PLAC1: variants seen among roughly 807,000 people sequenced by gnomAD.
PLAC1 encodes placenta-specific protein 1.
For missense variants in PLAC1, 136 were observed against 163.2 expected, an observed-to-expected ratio of 0.83 and a Z score of 0.91; for synonymous variants, 68 against 62.1, an observed-to-expected ratio of 1.09 and a Z score of -0.44.
In PLAC1 at chrX:134,656,697, A is replaced by G. The variant is rs145097088; in HGVS notation, c.-131+1631T>C. ...TCTCCTGGGCTCAAGTGATCCTCCC[A>G]TCTCAGCCTCCTGAGTAGCTAGGAC... On this transcript the variant is annotated intron_variant, in intron 1 of 2. Transcript: ENST00000359237. Among the ~76,000 whole-genome samples, 764 of 110,985 alleles carry G rather than the reference A, an allele frequency of 6.9e-3. 3 individuals are homozygous for G. The highest frequency in any genetic ancestry group is 0.023 in the African/African-American group (710 of 30,499).
chrX:134,633,132 C>G (rs189291743), intron 1 of PLAC1, among the ~76,000 whole-genome samples: 145 of 111,656 alleles, frequency 1.3e-3, no homozygotes, highest in African/African-American at 4.5e-3. Context: ...ATCATTTCTT[C>G]CCCGTCTTGT....
rs200761671 is a variant in PLAC1 at position 134,647,410 on chromosome X, C to CTGTGTGTGTG, written c.-131+10908_-131+10917dup. Among the ~76,000 whole-genome samples, 532 of 90,124 alleles carry CTGTGTGTGTG rather than the reference C, an allele frequency of 5.9e-3. 7 individuals carry two copies. Among genetic ancestry groups the CTGTGTGTGTG allele is most frequent in the African/African-American group, 0.021 (508 of 24,079 alleles). The allele number at this position is 90,124 out of a possible 115,157, so 78.3% of individuals were successfully genotyped here. A position where few individuals can be genotyped will look rare whatever the true frequency, so the allele number is the denominator to read the frequency against. On this transcript the variant is annotated intron_variant, in intron 1 of 2. Transcript: ENST00000359237. ...CTTCTATGTGTGGGCATGCATGCAT[C>CTGTGTGTGTG]TGTGTGTGTGTGTGTGTGTGTGTGT...
At chrX:134,743,608 G>T (rs935944497) in intron 1 of PLAC1, among the ~76,000 whole-genome samples, 6 of 111,892 alleles carry the variant, frequency 5.4e-5, no homozygotes, top group Non-Finnish European at 9.4e-5. Context: ...AGGCAAGAAT[G>T]AATAATTAAA....
At chrX:134,748,371 G>C (rs1470624901) in intron 1 of PLAC1, among the ~76,000 whole-genome samples, 1 of 108,875 alleles carries the variant, frequency 9.2e-6, no homozygotes, top group Admixed American at 9.9e-5. Context: ...GTCACCTTCT[G>C]GGCCTTACCA....
chrX:134,647,410 CTGTGTGTGTGTGTG>C (rs200761671), intron 1 of PLAC1, among the ~76,000 whole-genome samples: 13 of 90,139 alleles, frequency 1.4e-4, no homozygotes, highest in South Asian at 5.9e-4. Flanking sequence ...ATGCATGCAT[CTGTGTGTGTGTGTG>C]TGTGTGTGTG....
chrX:134,567,534 C>T (rs963645726), intron 2 of PLAC1, among the ~76,000 whole-genome samples: 2 of 111,044 alleles, frequency 1.8e-5, no homozygotes, highest in Non-Finnish European at 3.8e-5. Flanking sequence ...GGTGGAAGGA[C>T]TGCTTGAGCC....
rs73568729 is a variant in PLAC1 at position 134,758,245 on chromosome X, C to T, written n.89+5989G>A. Among the ~76,000 whole-genome samples, 1,017 of 110,432 alleles carry T rather than the reference C, an allele frequency of 9.2e-3. 6 individuals are homozygous for T. Among genetic ancestry groups the T allele is most frequent in the African/African-American group, 0.032 (964 of 30,440 alleles). On this transcript the variant is annotated intron_variant and non_coding_transcript_variant, in intron 1 of 2. Coordinates refer to the PLAC1 transcript ENST00000466797. ...CATTGCCCAAAGCTATCTATAGATT[C>T]GATGCAATCCTTATCAAAATACCAA...
At chrX:134,755,586 G>A in intron 1 of PLAC1, among the ~76,000 whole-genome samples, 1 of 111,253 alleles carries the variant, frequency 9.0e-6, no homozygotes, top group South Asian at 3.8e-4. Context: ...TGATCCAGAT[G>A]GTCAAGTTGA....
intron 2 of PLAC1, among the ~76,000 whole-genome samples, chrX:134,719,480 A>G (rs779840443): frequency 1.8e-5 from 2 of 111,806 alleles, no homozygotes; most frequent in Non-Finnish European, 3.8e-5. Context: ...CCTTCATGAT[A>G]AAAGCACTCA....
At chrX:134,618,414 T>C (rs2078195068) in intron 1 of PLAC1, among the ~76,000 whole-genome samples, 1 of 104,831 alleles carries the variant, frequency 9.5e-6, no homozygotes, top group Non-Finnish European at 1.9e-5. Context: ...ATCATCTCAC[T>C]TTTTTTTTTG....
intron 1 of PLAC1, among the ~76,000 whole-genome samples, chrX:134,624,045 G>T (rs1426746381): frequency 1.8e-5 from 2 of 111,890 alleles, no homozygotes; most frequent in African/African-American, 6.5e-5. Context: ...TTACATATTA[G>T]GAAACTGAGG....
At chrX:134,569,186 C>A (rs988278228) in intron 2 of PLAC1, among the ~76,000 whole-genome samples, 1 of 111,437 alleles carries the variant, frequency 9.0e-6, no homozygotes, top group African/African-American at 3.3e-5. Flanking sequence ...ACTCCTTCTC[C>A]TCCTTCCCCA....
At chrX:134,597,722 T>G (rs2078068757) in intron 2 of PLAC1, among the ~76,000 whole-genome samples, 1 of 111,947 alleles carries the variant, frequency 8.9e-6, no homozygotes, top group Admixed American at 9.5e-5. Context: ...CATGGACAGT[T>G]GGAGGTGAGG....
intron 2 of PLAC1, among the ~76,000 whole-genome samples, chrX:134,669,440 T>C (rs983072825): frequency 6.2e-5 from 7 of 112,339 alleles, no homozygotes; most frequent in Non-Finnish European, 1.3e-4. Flanking sequence ...GGTAGAACAG[T>C]GACTTGCGCA....
At chrX:134,714,246 T>G (rs115165014) in intron 2 of PLAC1, among the ~76,000 whole-genome samples, 1 of 110,896 alleles carries the variant, frequency 9.0e-6, no homozygotes, top group African/African-American at 3.3e-5. Context: ...CTCCAACTTT[T>G]GTATTTTTTG....
chrX:134,608,746 G>T, intron 1 of PLAC1, among the ~76,000 whole-genome samples: 1 of 104,024 alleles, frequency 9.6e-6, no homozygotes, highest in Middle Eastern at 5.1e-3. Flanking sequence ...CGCCATCTCC[G>T]CTCACTGCAA....
chrX:134,762,196 A>AT (rs1232562676), intron 1 of PLAC1, among the ~76,000 whole-genome samples: 1 of 92,505 alleles, frequency 1.1e-5, no homozygotes, highest in Non-Finnish European at 2.2e-5. Flanking sequence ...CTGTTGAGGC[A>AT]CCCCCCCCCC....
intron 2 of PLAC1, among the ~76,000 whole-genome samples, chrX:134,729,781 TTCTA>T (rs1347375837): frequency 9.0e-6 from 1 of 111,686 alleles, no homozygotes. Flanking sequence ...TTTTCTTTCT[TTCTA>T]TCTTTTTTTT....
chrX:134,755,490 T>A (rs892690964), intron 1 of PLAC1, among the ~76,000 whole-genome samples: 1 of 111,933 alleles, frequency 8.9e-6, no homozygotes, highest in African/African-American at 3.2e-5. Context: ...GTCAGATAAG[T>A]GCCATAAAAG....
Sources: gnomAD v4.1 joint callset for allele counts (sites outside exome capture counted in the v4.1 genomes callset) on GRCh38, gnomAD v4.1.1 for gene constraint, MANE v1.5 for transcripts, NCBI Gene and HGNC (gene_info 2026-07-23, HGNC 2026-07-21) for gene names.